Variants in CFAP91 observed in about 807,000 individuals in gnomAD.
CFAP91 encodes the protein cilia- and flagella-associated protein 91.
A neutral mutation model predicts 95.9 loss-of-function variants in CFAP91; 85 were observed. That is an observed-to-expected ratio of 0.89 (90% CI 0.74 to 1.06). The LOEUF (loss-of-function observed/expected upper bound fraction) is 1.06, where lower values mean the gene tolerates loss of function less well. Ranked by LOEUF, CFAP91 falls within the 50% of genes least tolerant of loss-of-function variation. The pLI is 0.00. For missense variants in CFAP91, 962 were observed against 943.4 expected (o/e 1.02, Z -0.26); for synonymous variants, 335 against 327.5 (o/e 1.02, Z -0.25).
chr3:119,747,124 G>A lies in CFAP91; in HGVS notation c.1912G>A (p.Val638Ile). The change falls in exon 15 of 18, where the codon GTT becomes ATT. Residue 638 changes from valine to isoleucine, a missense_variant. Transcript: ENST00000273390. ...EDEIFKEVVK[V>I]HHSTISSYLE... ...TTATTGTTTTTTGCAGGTGGTTAAAGTTCACCATAGTACTATAAGCTCCTA... is the reference window on the plus strand; with the variant it reads ...TTATTGTTTTTTGCAGGTGGTTAAAATTCACCATAGTACTATAAGCTCCTA... The A allele has an allele frequency of 6.3e-7, 1 of 1,579,414 alleles. No individual in the cohort carries two copies. The highest frequency in any genetic ancestry group is 8.6e-7 in the Non-Finnish European group (1 of 1,163,784).
At chr3:119,753,494 T>C (rs2054366247) in intron 17 of CFAP91, among the ~76,000 whole-genome samples, 1 of 152,200 alleles carries the variant, frequency 6.6e-6, no homozygotes, top group Admixed American at 6.5e-5. Context: ...ATGTAAATTC[T>C]CTTTACAGAA....
At chr3:119,756,551 A>G (rs889272343) in intron 17 of CFAP91, among the ~76,000 whole-genome samples, 2 of 152,212 alleles carry the variant, frequency 1.3e-5, no homozygotes, top group African/African-American at 2.4e-5. Flanking sequence ...AAAAAATTAT[A>G]AGAAACAGCA....
chr3:119,747,392 TATTAAC>T (rs2054242942), intron 15 of CFAP91, 129 bp downstream of exon 15: 1 of 1,079,870 alleles, frequency 9.3e-7, no homozygotes, highest in African/African-American at 1.6e-5. Flanking sequence ...TCCATTGTTT[TATTAAC>T]ATTAACTCTT....
intron 17 of CFAP91, among the ~76,000 whole-genome samples, chr3:119,753,026 T>TG (rs1322943193): frequency 6.6e-6 from 1 of 152,194 alleles, no homozygotes; most frequent in Non-Finnish European, 1.5e-5. Flanking sequence ...GCAGTAGTCA[T>TG]GGGCCACTGA....
chr3:119,727,725 G>A (rs1380850129), intron 7 of CFAP91, among the ~76,000 whole-genome samples: 2 of 152,176 alleles, frequency 1.3e-5, no homozygotes, highest in African/African-American at 4.8e-5. Context: ...TACAAAAAGT[G>A]CTTGGTGGAA....
At position 119,726,352 on chromosome 3, in the gene CFAP91, G is replaced by T; in HGVS notation, c.860+4G>T. The stretch of plus-strand genomic sequence containing the variant: ...TCAGAGAGCAGGAGATTGAAAAGTA[G>T]GTTCTCTATCACCCAGACAACTGTT... On this transcript the variant is annotated splice_donor_region_variant and intron_variant, in intron 7 of 17. Transcript: ENST00000273390. 13 of 1,607,222 alleles carry T rather than the reference G, an allele frequency of 8.1e-6. No homozygotes were observed. Among genetic ancestry groups the T allele is most frequent in the Non-Finnish European group, 1.1e-5 (13 of 1,177,106 alleles).
intron 16 of CFAP91, chr3:119,750,512 T>G: frequency 5.4e-6 from 1 of 184,216 alleles, no homozygotes; most frequent in Non-Finnish European, 1.1e-5. Flanking sequence ...AAGAGAAGTA[T>G]AAGACTAGGT....
chr3:119,740,827 G>C, intron 13 of CFAP91, 132 bp downstream of exon 13: 2 of 920,490 alleles, frequency 2.2e-6, no homozygotes, highest in East Asian at 2.9e-5. Context: ...CCATCACTCT[G>C]TCAGCATTTG....
chr3:119,708,726 T>G, intron 4 of CFAP91, 52 bp downstream of exon 4: 2 of 1,049,018 alleles, frequency 1.9e-6, no homozygotes, highest in Non-Finnish European at 2.9e-6. Flanking sequence ...TTAGAGAACC[T>G]CTTTATGATA....
intron 6 of CFAP91, among the ~76,000 whole-genome samples, chr3:119,724,746 T>C (rs897465915): frequency 6.7e-6 from 1 of 148,656 alleles, no homozygotes; most frequent in Non-Finnish European, 1.5e-5. Context: ...TATTTTATTT[T>C]TATTTATTTA....
Position 119,726,267 on chromosome 3 carries a change from C to G in CFAP91, c.779C>G (p.Thr260Ser). ...WEASLPALSD[T>S]SQFEKRRKMM... ...GCCTCTCTCCCCGCTCTGAGTGACA[C>G]CTCCCAGTTTGAGAAGAGGAGGAAA... The change falls in exon 7 of 18, where the codon ACC becomes AGC. Residue 260 changes from threonine (T) to serine (S), a missense_variant. Coordinates refer to ENST00000273390, the MANE Select transcript of CFAP91 (RefSeq NM_033364.4). 1 of 1,613,862 alleles carries G rather than the reference C, an allele frequency of 6.2e-7. No homozygotes were observed. The highest frequency in any genetic ancestry group is 1.1e-5 in the South Asian group (1 of 91,034).
chr3:119,751,726 T>G (rs1055359260), intron 17 of CFAP91, among the ~76,000 whole-genome samples: 1 of 152,222 alleles, frequency 6.6e-6, no homozygotes, highest in Non-Finnish European at 1.5e-5. Flanking sequence ...GTCCTTAGTT[T>G]ACGGAGTGCA....
At chr3:119,762,168 A>G (rs1466872346) in intron 17 of CFAP91, among the ~76,000 whole-genome samples, 2 of 152,024 alleles carry the variant, frequency 1.3e-5, no homozygotes, top group Non-Finnish European at 1.5e-5. Context: ...TACAAAAATC[A>G]GTAGCATTTC....
chr3:119,724,967 T>C (rs2053753191), intron 6 of CFAP91, among the ~76,000 whole-genome samples: 1 of 152,060 alleles, frequency 6.6e-6, no homozygotes. Context: ...CTTATTTGCT[T>C]TTTAAAAGCA....
At chr3:119,715,529 G>C in intron 5 of CFAP91, 33 bp from the exon 6 acceptor site, 1 of 1,566,316 alleles carries the variant, frequency 6.4e-7, no homozygotes, top group Non-Finnish European at 8.8e-7. Context: ...ACCATAACAG[G>C]TTTCAATTTT....
chr3:119,705,019 C>T (rs773361961), intron 1 of CFAP91, among the ~76,000 whole-genome samples: 22 of 152,174 alleles, frequency 1.4e-4, no homozygotes, highest in Non-Finnish European at 2.6e-4. Flanking sequence ...ATTTACACAA[C>T]GATAAGCTCA....
chr3:119,718,586 TA>T (rs1298793814), intron 6 of CFAP91, among the ~76,000 whole-genome samples: 1 of 151,978 alleles, frequency 6.6e-6, no homozygotes, highest in Non-Finnish European at 1.5e-5. Context: ...AATGATTTTT[TA>T]AAAACTCACA....
At chr3:119,747,683 A>G (rs2054249827) in intron 15 of CFAP91, 128 bp from the exon 16 acceptor site, 1 of 771,026 alleles carries the variant, frequency 1.3e-6, no homozygotes, top group Non-Finnish European at 2.0e-6. Flanking sequence ...GTGATATTTC[A>G]GATCACTTAA....
intron 6 of CFAP91, 175 bp downstream of exon 6, chr3:119,715,918 C>T: frequency 1.6e-6 from 1 of 617,362 alleles, no homozygotes. Context: ...AATAAAGATA[C>T]TATCTTTTTA....
Sources: gnomAD v4.1 joint callset for allele counts (sites outside exome capture counted in the v4.1 genomes callset) on GRCh38, gnomAD v4.1.1 for gene constraint, MANE v1.5 for transcripts, NCBI Gene and HGNC (gene_info 2026-07-23, HGNC 2026-07-21) for gene names.